Variants in PARP4 observed in about 807,000 individuals in gnomAD.
PARP4 encodes the protein poly(ADP-ribose) polymerase family member 4.
In PARP4, 120 loss-of-function variants were observed where a neutral mutation model predicts 187.7. The observed-to-expected ratio is 0.64, with a 90% confidence interval of 0.55 to 0.74. The LOEUF (loss-of-function observed/expected upper bound fraction) is 0.74. PARP4 is among the 30% of genes least tolerant of loss of function. The probability of loss-of-function intolerance (pLI) is 0.00; values close to 1 mark genes in which losing one functional copy is unlikely to be tolerated. For synonymous variants in PARP4, 654 were observed against 740.9 expected (o/e 0.88, Z 1.90); for missense variants, 1,836 against 2,070.5 (o/e 0.89, Z 2.20).
chr13:24,429,461 T>C (rs1870223757), intron 32 of PARP4, among the ~76,000 whole-genome samples: 1 of 152,230 alleles, frequency 6.6e-6, no homozygotes, highest in Non-Finnish European at 1.5e-5. Flanking sequence ...CTAAAGAATG[T>C]TCAGTTTTGT....
At position 24,435,058 on chromosome 13, in the gene PARP4, T is replaced by C; in HGVS notation, c.4083A>G (p.Ala1361=). Residue 1361 remains alanine, a synonymous_variant, in exon 31 of 34, where the codon GCA becomes GCG. Transcript: ENST00000381989. ...GCACAGGGCCTTGGCTGAATTGAGA[T>C]GCATCAAACTGTCTGGGAGGAGCAG... ...GSAAPPRQFD[A]SQFSQGPVPG... The C allele has an allele frequency of 6.2e-7, 1 of 1,614,064 alleles. No homozygotes were observed. Among genetic ancestry groups the C allele is most frequent in the Non-Finnish European group, 8.5e-7 (1 of 1,180,032 alleles).
chr13:24,461,008 T>A (rs1479123464), intron 17 of PARP4, among the ~76,000 whole-genome samples: 1 of 152,184 alleles, frequency 6.6e-6, no homozygotes, highest in Admixed American at 6.5e-5. Flanking sequence ...AGCTTTCTTT[T>A]AAAGGGATGT....
In PARP4 at chr13:24,460,122, T is replaced by C. The variant is rs1487524933; in HGVS notation, c.2148A>G (p.Val716=). Reference sequence around the variant, plus strand: ...CCTTAGGGGGTAAGTTTCCAACACTTACAGTAAAAACGTCCTGAAACAGAA... The same window carrying C: ...CCTTAGGGGGTAAGTTTCCAACACTCACAGTAAAAACGTCCTGAAACAGAA... The part of the protein sequence containing the change: ...MSQDAPDVFT[V]SVGNLPPKAK... The change falls in exon 18 of 34, where the codon GTA becomes GTG. Residue 716 remains valine, a synonymous_variant. Coordinates refer to ENST00000381989, the MANE Select transcript of PARP4 (RefSeq NM_006437.4). 6.2e-7 allele frequency: 1 copy of C among 1,612,506 alleles called. No individual in the cohort carries two copies. The highest frequency in any genetic ancestry group is 8.5e-7 in the Non-Finnish European group (1 of 1,179,470).
At chr13:24,511,787 T>C (rs1870032256) in intron 1 of PARP4, among the ~76,000 whole-genome samples, 2 of 152,220 alleles carry the variant, frequency 1.3e-5, no homozygotes, top group South Asian at 2.1e-4. Context: ...CACGTATCCA[T>C]TAAAGCCCAG....
chr13:24,429,754 G>A (rs1162458519), intron 32 of PARP4, among the ~76,000 whole-genome samples: 1 of 152,164 alleles, frequency 6.6e-6, no homozygotes, highest in Non-Finnish European at 1.5e-5. Context: ...TATATGTAGA[G>A]GTTAGGAGAC....
rs1872050774 is a variant in PARP4 at position 24,459,124 on chromosome 13, T to C, written c.2346-2A>G. On this transcript the variant is annotated splice_acceptor_variant, in intron 19 of 33. Transcript: ENST00000381989. LOFTEE classifies it high-confidence loss of function. ...TCAATAGACATAGTCAAAGAGAAGC[T>C]AGCAAAAATGAAGAGAAAGTTGTCT... 1.2e-6 allele frequency: 2 copies of C among 1,601,784 alleles called. No individual in the cohort carries two copies. Among genetic ancestry groups the C allele is most frequent in the African/African-American group, 2.7e-5 (2 of 74,330 alleles).
intron 15 of PARP4, among the ~76,000 whole-genome samples, chr13:24,472,576 A>G (rs909322888): frequency 1.3e-5 from 2 of 152,236 alleles, no homozygotes; most frequent in African/African-American, 4.8e-5. Flanking sequence ...CTTCAGAGTC[A>G]GAAGCTGATC....
At chr13:24,432,394 T>C (rs1870386787) in intron 31 of PARP4, among the ~76,000 whole-genome samples, 1 of 152,202 alleles carries the variant, frequency 6.6e-6, no homozygotes, top group Non-Finnish European at 1.5e-5. Context: ...ATGATTGACA[T>C]ACAAAAAGTC....
rs562177842 is a variant in PARP4, at chr13:24,449,960, A to G, written c.3015-143T>C. On this transcript the variant is annotated intron_variant, in intron 24 of 33. Coordinates refer to ENST00000381989, the MANE Select transcript of PARP4 (RefSeq NM_006437.4). ...TACTCGTGTGTCGCTGAGGTTAAACAGAGAAAGTGATAATAGAAGGAAACA... is the reference window on the plus strand; with the variant it reads ...TACTCGTGTGTCGCTGAGGTTAAACGGAGAAAGTGATAATAGAAGGAAACA... 847 of 478,958 alleles carry G rather than the reference A, an allele frequency of 1.8e-3. 4 individuals carry two copies. The highest frequency in any genetic ancestry group is 1.6e-3 in the Non-Finnish European group (404 of 260,386). The allele number at this position is 478,958 out of a possible 1,614,324, so 29.7% of individuals were successfully genotyped here.
intron 17 of PARP4, among the ~76,000 whole-genome samples, chr13:24,466,081 A>G (rs951870349): frequency 1.3e-5 from 2 of 152,268 alleles, no homozygotes; most frequent in Non-Finnish European, 2.9e-5. Context: ...CACTGGCCAC[A>G]TAAAACATTT....
At position 24,510,553 on chromosome 13, in the gene PARP4, C is replaced by CAAAAAAAA. The variant is rs61708412; in HGVS notation, c.-2+2145_-2+2152dup. Among the ~76,000 whole-genome samples the CAAAAAAAA allele has an allele frequency of 3.3e-3, 297 of 89,120 alleles. 10 individuals are homozygous for CAAAAAAAA. Among genetic ancestry groups the CAAAAAAAA allele is most frequent in the East Asian group, 0.014 (36 of 2,616 alleles). 58.5% of individuals were successfully genotyped at this position (89,120 alleles called of 152,430 possible). On this transcript the variant is annotated intron_variant, in intron 1 of 33. Coordinates refer to ENST00000381989, the MANE Select transcript of PARP4 (RefSeq NM_006437.4). ...TGGGCGACAGAGCGAGACTCCGTCT[C>CAAAAAAAA]AAAAAAAAAAAAAAAAAAGTGTTCA... is the stretch of plus-strand genomic sequence containing the variant.
chr13:24,493,869 C>A, intron 7 of PARP4, 136 bp from the exon 8 acceptor site: 1 of 776,900 alleles, frequency 1.3e-6, no homozygotes, highest in Non-Finnish European at 2.1e-6. Context: ...AGCCAGGTAA[C>A]TAAATCCTTT....
chr13:24,482,687 CT>C (rs1257674756), intron 12 of PARP4, among the ~76,000 whole-genome samples: 6 of 152,042 alleles, frequency 3.9e-5, no homozygotes, highest in Non-Finnish European at 7.4e-5. Context: ...CTATTGCACA[CT>C]TTAATAGACT....
intron 11 of PARP4, among the ~76,000 whole-genome samples, chr13:24,485,142 G>A (rs2862905): frequency 0.56 from 84,418 of 151,796 alleles, 23,587 homozygotes; most frequent in South Asian, 0.66. Context: ...GTCCAACTTT[G>A]TATTTTTTCC....
In PARP4 at chr13:24,451,198, G is replaced by A. The variant is rs1026965582; in HGVS notation, c.3014+1208C>T. On this transcript the variant is annotated intron_variant, in intron 24 of 33. Coordinates refer to ENST00000381989, the MANE Select transcript of PARP4 (RefSeq NM_006437.4). ...CCTGTGGTGTCTGAGCCCTGACCTGGGAGCAGGGGGCAGGGAGGGGCTGCT... is the reference window on the plus strand; with the variant it reads ...CCTGTGGTGTCTGAGCCCTGACCTGAGAGCAGGGGGCAGGGAGGGGCTGCT... 5.3e-5 allele frequency among the ~76,000 whole-genome samples: 8 copies of A among 152,340 alleles called. No homozygotes were observed. The South Asian group carries it at 1.7e-3, about 32-fold the overall frequency.
chr13:24,429,136 A>T (rs1870207250), intron 32 of PARP4, among the ~76,000 whole-genome samples: 1 of 152,058 alleles, frequency 6.6e-6, no homozygotes, highest in Non-Finnish European at 1.5e-5. Context: ...TTTTCATTGC[A>T]GATACTATAT....
At chr13:24,425,565 G>GTATATCTATATCTATATCTA (rs1266200379) in intron 33 of PARP4, among the ~76,000 whole-genome samples, 2 of 132,888 alleles carry the variant, frequency 1.5e-5, no homozygotes, top group African/African-American at 5.7e-5. Flanking sequence ...GTGTGTGTGT[G>GTATATCTATATCTATATCTA]TGTGTATATC....
chr13:24,425,071 G>A (rs527876205), intron 33 of PARP4, among the ~76,000 whole-genome samples: 3 of 152,210 alleles, frequency 2.0e-5, no homozygotes, highest in South Asian at 4.1e-4. Flanking sequence ...GGAGGCTGAC[G>A]CGGGAGGATT....
chr13:24,435,273 T>C lies in PARP4; in HGVS notation c.3868A>G (p.Thr1290Ala). ...GTTGCTGTTGGTTTACATGACTCTG[T>C]CCAACTTAAATCCAATAGCTTTTCC... ...GVEKLLDLSWTESCKPTATEP... is the reference protein window; with the variant it reads ...GVEKLLDLSWAESCKPTATEP... Residue 1290 changes from threonine to alanine, a missense_variant, in exon 31 of 34, where the codon ACA becomes GCA. Physicochemically the swap from Thr to Ala is moderately conservative, Grantham distance 58. This residue lies in a region of PARP4 where 450 missense variants were observed against 439.2 expected (regional missense o/e 1.02). Coordinates refer to ENST00000381989, the MANE Select transcript of PARP4 (RefSeq NM_006437.4). The C allele has an allele frequency of 6.2e-7, 1 of 1,613,490 alleles. No homozygotes were observed. The highest frequency in any genetic ancestry group is 1.1e-5 in the South Asian group (1 of 91,046).
Sources: allele counts gnomAD v4.1 joint callset (sites outside exome capture counted in the v4.1 genomes callset), GRCh38; gene constraint gnomAD v4.1.1; regional missense constraint gnomAD v4.1.1; transcripts MANE v1.5; gene names NCBI Gene and HGNC (gene_info 2026-07-23, HGNC 2026-07-21).